The following ACAP2 variants were observed in gnomAD, a reference collection of about 807,000 sequenced individuals.
The protein encoded by ACAP2 is arf-GAP with coiled-coil, ANK repeat and PH domain-containing protein 2.
In ACAP2, 39 loss-of-function variants were observed where a neutral mutation model predicts 115.8. The observed-to-expected ratio is 0.34, with a 90% confidence interval of 0.26 to 0.44. The LOEUF is 0.44. ACAP2 is among the 20% of genes least tolerant of loss of function. ACAP2 has a pLI of 1.00. For missense variants in ACAP2, 662 were observed against 927.6 expected (o/e 0.71, Z 3.72); for synonymous variants, 289 against 315.8 (o/e 0.92, Z 0.90).
intron 1 of ACAP2, among the ~76,000 whole-genome samples, chr3:195,397,312 G>A (rs1357838529): frequency 1.3e-5 from 2 of 152,100 alleles, no homozygotes; most frequent in Non-Finnish European, 2.9e-5. Flanking sequence ...TTCTTTGCAA[G>A]GAAAGGACAA....
At chr3:195,409,192 C>T (rs1217118540) in intron 1 of ACAP2, among the ~76,000 whole-genome samples, 1 of 151,222 alleles carries the variant, frequency 6.6e-6, no homozygotes, top group East Asian at 1.9e-4. Flanking sequence ...ATGTAGAAAA[C>T]CCTAAAGATT....
chr3:195,340,192 A>C (rs1291818960), intron 6 of ACAP2, among the ~76,000 whole-genome samples: 1 of 150,926 alleles, frequency 6.6e-6, no homozygotes, highest in Non-Finnish European at 1.5e-5. Flanking sequence ...GAACCAATTT[A>C]AGAGGTACAC....
In ACAP2 at chr3:195,297,088, T is replaced by C. The variant is rs1317065774; in HGVS notation, c.1487+102A>G. The stretch of plus-strand genomic sequence containing the variant: ...ACATTCGAACAGAAGTGGTAATGAC[T>C]GCTTCTAAACACTTTGTCTCAATGT... On this transcript the variant is annotated intron_variant, in intron 16 of 22. Transcript: ENST00000326793. The C allele has an allele frequency of 5.1e-6, 5 of 980,588 alleles. No homozygotes were observed. In the African/African-American group the frequency reaches 8.2e-5, roughly 16 times the overall value. 60.7% of individuals were successfully genotyped at this position (980,588 alleles called of 1,614,324 possible). A position where few individuals can be genotyped will look rare whatever the true frequency, so the allele number is the denominator to read the frequency against.
chr3:195,349,453 GC>G (rs1305654190), intron 4 of ACAP2, among the ~76,000 whole-genome samples: 1 of 152,074 alleles, frequency 6.6e-6, no homozygotes, highest in African/African-American at 2.4e-5. Context: ...TGCCCCTCCA[GC>G]CTGAGCAACA....
chr3:195,307,338 C>A lies in ACAP2; in HGVS notation c.910-15G>T, dbSNP rs747113111. 20 of 1,547,368 alleles carry A rather than the reference C, an allele frequency of 1.3e-5. No individual in the cohort carries two copies. Among genetic ancestry groups the A allele is most frequent in the East Asian group, 2.3e-5 (1 of 44,274 alleles). On this transcript the variant is annotated splice_polypyrimidine_tract_variant and intron_variant, in intron 11 of 22. Coordinates refer to ENST00000326793, the MANE Select transcript of ACAP2 (RefSeq NM_012287.6). ...GTCGGATTATCCTATAGTGAGGAAACCAAATTTCCATATTTTTCCACTTAG... is the reference window on the plus strand; with the variant it reads ...GTCGGATTATCCTATAGTGAGGAAAACAAATTTCCATATTTTTCCACTTAG...
intron 1 of ACAP2, among the ~76,000 whole-genome samples, chr3:195,398,069 G>A (rs1254473797): frequency 2.0e-5 from 3 of 152,086 alleles, no homozygotes; most frequent in Admixed American, 6.6e-5. Context: ...AAGATCACAC[G>A]TCAAATACAG....
chr3:195,342,486 G>T lies in ACAP2; in HGVS notation c.513C>A (p.Leu171=), dbSNP rs754866221. 24 of 1,604,516 alleles carry T rather than the reference G, an allele frequency of 1.5e-5. No homozygotes were observed. The highest frequency in any genetic ancestry group is 2.0e-5 in the Non-Finnish European group (24 of 1,177,724). ...ATRKCFRHIA[L]DYVLQINVLQ... is the part of the protein sequence containing the mutation. Reference sequence around the variant, plus strand: ...AACTATATACCTGAAGCACATAATCGAGGGCTATGTGTCGGAAACATTTTC... The same window carrying T: ...AACTATATACCTGAAGCACATAATCTAGGGCTATGTGTCGGAAACATTTTC... The change falls in exon 6 of 23, where the codon CTC becomes CTA. Residue 171 remains leucine (L), a synonymous_variant. Coordinates refer to ENST00000326793, the MANE Select transcript of ACAP2 (RefSeq NM_012287.6).
At chr3:195,427,141 G>C (rs1338869482) in intron 1 of ACAP2, among the ~76,000 whole-genome samples, 1 of 152,200 alleles carries the variant, frequency 6.6e-6, no homozygotes, top group Non-Finnish European at 1.5e-5. Context: ...GCTGGCTTTG[G>C]AGATGGAAAG....
At chr3:195,353,818 T>C (rs1202045803) in intron 4 of ACAP2, among the ~76,000 whole-genome samples, 4 of 152,214 alleles carry the variant, frequency 2.6e-5, no homozygotes, top group Non-Finnish European at 2.9e-5. Context: ...TTTTTCTCTT[T>C]TCTGCTTTTC....
chr3:195,364,283 T>C (rs1266821804), intron 4 of ACAP2, among the ~76,000 whole-genome samples: 7 of 152,030 alleles, frequency 4.6e-5, no homozygotes, highest in Admixed American at 1.3e-4. Flanking sequence ...GGGCAAAATA[T>C]CTGAATAGAC....
At chr3:195,337,953 C>T (rs1730620135) in intron 6 of ACAP2, among the ~76,000 whole-genome samples, 1 of 151,668 alleles carries the variant, frequency 6.6e-6, no homozygotes, top group South Asian at 2.1e-4. Context: ...ACTCCCACCT[C>T]AACCTGAGCC....
In ACAP2 at chr3:195,275,344, G is replaced by A. The variant is rs946266935; in HGVS notation, c.*3984C>T. The A allele has an allele frequency of 1.1e-4, 16 of 152,192 alleles. No individual in the cohort carries two copies. The highest frequency in any genetic ancestry group is 3.6e-4 in the African/African-American group (15 of 41,452). 9.4% of individuals were successfully genotyped at this position (152,192 alleles called of 1,614,324 possible). On this transcript the variant is annotated 3_prime_UTR_variant, in exon 23 of 23. Coordinates refer to ENST00000326793, the MANE Select transcript of ACAP2 (RefSeq NM_012287.6). ...TGTCCACAAAACCATATCTGTAGATGTCATTTGGAAGCATCAAGAAATTGA... is the reference window on the plus strand; with the variant it reads ...TGTCCACAAAACCATATCTGTAGATATCATTTGGAAGCATCAAGAAATTGA...
chr3:195,359,885 T>C (rs1444934577), intron 4 of ACAP2, among the ~76,000 whole-genome samples: 3 of 152,112 alleles, frequency 2.0e-5, no homozygotes, highest in African/African-American at 7.2e-5. Flanking sequence ...TACAAACATA[T>C]AATAAATAAG....
intron 1 of ACAP2, among the ~76,000 whole-genome samples, chr3:195,392,760 A>G (rs941331133): frequency 6.6e-6 from 1 of 152,332 alleles, no homozygotes; most frequent in Admixed American, 6.5e-5. Flanking sequence ...AATAACAGTT[A>G]GCACTTCATA....
At chr3:195,314,939 T>C (rs1453896162) in intron 10 of ACAP2, among the ~76,000 whole-genome samples, 2 of 152,248 alleles carry the variant, frequency 1.3e-5, no homozygotes, top group Admixed American at 6.5e-5. Flanking sequence ...AAGATTACTC[T>C]TCTTTCCTCT....
At chr3:195,391,044 C>T (rs531915172) in intron 2 of ACAP2, among the ~76,000 whole-genome samples, 1 of 152,114 alleles carries the variant, frequency 6.6e-6, no homozygotes, top group South Asian at 2.1e-4. Context: ...ATACAGATTA[C>T]TGAGTATCTA....
rs920185854 is a variant in ACAP2, at chr3:195,332,126, T to C, written c.669+902A>G. Reference sequence around the variant, plus strand: ...TCCAGCCTGGGTGACAGAGCAAGACTCCACCTCAAAAAAAAAAAAAAAAAA... The same window carrying C: ...TCCAGCCTGGGTGACAGAGCAAGACCCCACCTCAAAAAAAAAAAAAAAAAA... On this transcript the variant is annotated intron_variant, in intron 8 of 22. Transcript: ENST00000326793. Among the ~76,000 whole-genome samples, 791 of 118,104 alleles carry C rather than the reference T, an allele frequency of 6.7e-3. 3 individuals are homozygous for C. Among genetic ancestry groups the C allele is most frequent in the Non-Finnish European group, 0.01 (617 of 58,846 alleles). The allele number at this position is 118,104 out of a possible 152,430, so 77.5% of individuals were successfully genotyped here.
At chr3:195,394,539 G>C (rs1711579046) in intron 1 of ACAP2, among the ~76,000 whole-genome samples, 1 of 152,204 alleles carries the variant, frequency 6.6e-6, no homozygotes, top group African/African-American at 2.4e-5. Context: ...TAAGCAGCAA[G>C]GCACAGTGGC....
intron 2 of ACAP2, among the ~76,000 whole-genome samples, chr3:195,389,845 TC>T (rs1734539566): frequency 6.6e-6 from 1 of 152,128 alleles, no homozygotes; most frequent in Non-Finnish European, 1.5e-5. Context: ...TGGCAGGTGC[TC>T]CCCCAACGCG....
Sources: allele counts gnomAD v4.1 joint callset (sites outside exome capture counted in the v4.1 genomes callset), GRCh38; gene constraint gnomAD v4.1.1; transcripts MANE v1.5; gene names NCBI Gene and HGNC (gene_info 2026-07-23, HGNC 2026-07-21).